Variants in CDX2 observed in about 807,000 individuals in gnomAD.
The protein encoded by CDX2 is homeobox protein CDX-2.
Under a neutral mutation model 25.5 loss-of-function variants are expected in CDX2, and 7 were observed. The observed-to-expected ratio is 0.27, with a 90% CI of 0.16 to 0.52. CDX2 has a LOEUF of 0.52. CDX2 is among the 20% of genes least tolerant of loss of function. The probability of loss-of-function intolerance (pLI) is 0.97; values close to 1 mark genes in which losing one functional copy is unlikely to be tolerated. For missense variants in CDX2, 375 were observed against 431.4 expected (o/e 0.87, Z 1.16); for synonymous variants, 222 against 198.6 (o/e 1.12, Z -0.99).
Position 27,968,624 on chromosome 13 carries a change from G to T in CDX2, c.383C>A (p.Ala128Asp), listed in dbSNP as rs930891731. The change falls in exon 1 of 3, where the codon GCC becomes GAC. Residue 128 changes from alanine (A) to aspartate (D), a missense_variant. Ala to Asp is a moderately radical substitution (Grantham distance 126). Coordinates refer to ENST00000381020, the MANE Select transcript of CDX2 (RefSeq NM_001265.6). ...HPHHHPHHPA[A>D]APSCASGLLQ... ...CAGCCCAGAAGCGCAGGAAGGCGCG[G>T]CGGCCGGGTGGTGCGGGTGGTGATG... 22 of 1,545,020 alleles carry T rather than the reference G, an allele frequency of 1.4e-5. No homozygotes were observed. Among genetic ancestry groups the T allele is most frequent in the Non-Finnish European group, 1.5e-5 (17 of 1,152,162 alleles).
At position 27,964,275 on chromosome 13, in the gene CDX2, T is replaced by C. The variant is rs922442757; in HGVS notation, c.687+595A>G. 6.6e-6 allele frequency among the ~76,000 whole-genome samples: 1 copy of C among 152,184 alleles called. No homozygotes were observed. The highest frequency in any genetic ancestry group is 1.5e-5 in the Non-Finnish European group (1 of 68,030). On this transcript the variant is annotated intron_variant, in intron 2 of 2. Transcript: ENST00000381020. The surrounding 1 kb of genome is among the most constrained non-coding windows in gnomAD (Gnocchi z 4.7). ...TTAGCCGGGCGTGGTGGCACATGCC[T>C]GTAGTCCCAGCTATTTGGGAGGCTG... is the stretch of plus-strand genomic sequence containing the variant.
At position 27,961,404 on chromosome 13, in the gene CDX2, C is replaced by A. The variant is rs1869039815; in HGVS notation, c.*1711G>T. ...CTAAGCCCCCCTCGCCCGGGTCCTG[C>A]CGGAAAGTTCAGCTCGGCGGCCTCC... On this transcript the variant is annotated 3_prime_UTR_variant, in exon 3 of 3. Transcript: ENST00000381020. 6.6e-6 allele frequency among the ~76,000 whole-genome samples: 1 copy of A among 152,222 alleles called. No individual in the cohort carries two copies. The highest frequency in any genetic ancestry group is 2.4e-5 in the African/African-American group (1 of 41,450).
chr13:27,968,425 C>G lies in CDX2; in HGVS notation c.541+41G>C, dbSNP rs534693569. The G allele has an allele frequency of 5.5e-6, 8 of 1,446,598 alleles. No individual in the cohort carries two copies. The African/African-American group carries it at 8.9e-5, about 16-fold the overall frequency. 89.6% of individuals were successfully genotyped at this position (1,446,598 alleles called of 1,614,324 possible). On this transcript the variant is annotated intron_variant, in intron 1 of 2. Transcript: ENST00000381020. ...GCAGCAGCCACTGGCTCGACCCGCG[C>G]CTTCCCAAGCACCCTCCGAAGGGGC...
Position 27,968,701 on chromosome 13 carries a change from G to T in CDX2, c.306C>A (p.Ala102=). The T allele has an allele frequency of 1.3e-6, 2 of 1,531,228 alleles. No homozygotes were observed. Among genetic ancestry groups the T allele is most frequent in the Non-Finnish European group, 1.7e-6 (2 of 1,143,746 alleles). The allele number at this position is 1,531,228 out of a possible 1,614,324, so 94.9% of individuals were successfully genotyped here. A position where few individuals can be genotyped will look rare whatever the true frequency, so the allele number is the denominator to read the frequency against. ...CGGGGCTGCTGTAGCCCATGGCTGC[G>T]GCCGGGGAGCCACCGTTGAGGCCGT... The part of the protein sequence containing the change: ...VAHGLNGGSP[A]AAMGYSSPAD... Residue 102 remains alanine (A), a synonymous_variant, in exon 1 of 3, where the codon GCC becomes GCA. Coordinates refer to ENST00000381020, the MANE Select transcript of CDX2 (RefSeq NM_001265.6).
intron 1 of CDX2, 59 bp downstream of exon 1, chr13:27,968,407 C>T (rs1444026386): frequency 7.1e-7 from 1 of 1,416,932 alleles, no homozygotes. Flanking sequence ...CGCGCAGCAG[C>T]CACTGGCTCG....
At chr13:27,963,621 A>G (rs534986835) in intron 2 of CDX2, among the ~76,000 whole-genome samples, 1 of 152,228 alleles carries the variant, frequency 6.6e-6, no homozygotes, top group East Asian at 1.9e-4. Context: ...TTATCTACGT[A>G]TTTACTGCAA....
intron 1 of CDX2, among the ~76,000 whole-genome samples, chr13:27,967,995 T>A (rs967634833): frequency 6.6e-6 from 1 of 152,132 alleles, no homozygotes; most frequent in Non-Finnish European, 1.5e-5. Context: ...CCAGGTCACT[T>A]CTCTTCTTAG....
At chr13:27,965,153 AGTCTG>A in intron 1 of CDX2, 138 bp from the exon 2 acceptor site, 1 of 870,860 alleles carries the variant, frequency 1.1e-6, no homozygotes, top group Non-Finnish European at 1.8e-6. Context: ...GTTCCTGCCA[AGTCTG>A]ACAAGACCCC....
In CDX2 at chr13:27,968,781, C is replaced by G; in HGVS notation, c.226G>C (p.Asp76His). The G allele has an allele frequency of 6.6e-7, 1 of 1,516,948 alleles. No homozygotes were observed. Among genetic ancestry groups the G allele is most frequent in the Non-Finnish European group, 8.8e-7 (1 of 1,136,894 alleles). 94.0% of individuals were successfully genotyped at this position (1,516,948 alleles called of 1,614,324 possible). ...CCTCCGGGCGCGTAGCCATTCCAGTCCTCCCGGAGTGGGGCGCCATACGCT... is the reference window on the plus strand; with the variant it reads ...CCTCCGGGCGCGTAGCCATTCCAGTGCTCCCGGAGTGGGGCGCCATACGCT... Reference protein sequence around the residue: ...PAAYGAPLREDWNGYAPGGAA... With the variant: ...PAAYGAPLREHWNGYAPGGAA... The change falls in exon 1 of 3, where the codon GAC (aspartate) becomes CAC (histidine). Residue 76 changes from aspartate (D) to histidine (H), a missense_variant. Physicochemically the swap from Asp to His is moderately conservative, Grantham distance 81. Transcript: ENST00000381020.
rs1869474583 is a variant in CDX2, at chr13:27,968,714, C to A, written c.293G>T (p.Gly98Val). 1 of 1,527,934 alleles carries A rather than the reference C, an allele frequency of 6.5e-7. No homozygotes were observed. The highest frequency in any genetic ancestry group is 1.4e-5 in the African/African-American group (1 of 71,680). 94.6% of individuals were successfully genotyped at this position (1,527,934 alleles called of 1,614,324 possible). A position where few individuals can be genotyped will look rare whatever the true frequency, so the allele number is the denominator to read the frequency against. ...AANAVAHGLNGGSPAAAMGYS... is the reference protein window; with the variant it reads ...AANAVAHGLNVGSPAAAMGYS... ...GCCCATGGCTGCGGCCGGGGAGCCA[C>A]CGTTGAGGCCGTGAGCCACGGCGTT... The change falls in exon 1 of 3, where the codon GGT becomes GTT. Residue 98 changes from glycine (G) to valine (V), a missense_variant. Around this residue, in one of 3 missense-constraint regions of CDX2, gnomAD observed 253 missense variants for 247.5 expected, o/e 1.02. Transcript: ENST00000381020.
intron 1 of CDX2, among the ~76,000 whole-genome samples, chr13:27,966,898 G>A (rs1869356562): frequency 7.5e-6 from 1 of 132,560 alleles, no homozygotes; most frequent in African/African-American, 2.9e-5. Flanking sequence ...ATGACGCTCC[G>A]CAGAGGAGCC....
rs1869230299 is a variant in CDX2 at position 27,964,769 on chromosome 13, G to GTC, written c.687+99_687+100dup. The GTC allele has an allele frequency of 1.1e-6, 1 of 948,954 alleles. No homozygotes were observed. The highest frequency in any genetic ancestry group is 1.4e-5 in the South Asian group (1 of 70,448). The allele number at this position is 948,954 out of a possible 1,614,324, so 58.8% of individuals were successfully genotyped here. On this transcript the variant is annotated intron_variant, in intron 2 of 2. Transcript: ENST00000381020. This position sits in a 1 kb window ranked among gnomAD's most constrained non-coding sequence, Gnocchi z 4.7. Reference sequence around the variant, plus strand: ...CGAATGCTTGCATCCTCCTGCTTCAGTCTCTCCACAGATTTAGATGGCCCC... The same window carrying GTC: ...CGAATGCTTGCATCCTCCTGCTTCAGTCTCTCTCCACAGATTTAGATGGCCCC...
At position 27,963,162 on chromosome 13, in the gene CDX2, C is replaced by T; in HGVS notation, c.895G>A (p.Val299Ile). The change falls in exon 3 of 3, where the codon GTT becomes ATT. Residue 299 changes from valine to isoleucine, a missense_variant. Val to Ile is a conservative substitution (Grantham distance 29). Coordinates refer to ENST00000381020, the MANE Select transcript of CDX2 (RefSeq NM_001265.6). ...AGCACCCCCCCAGTTGGCCCCAGAACCCCAGGGACAGAGCCAGGCACTGAG... is the reference window on the plus strand; with the variant it reads ...AGCACCCCCCCAGTTGGCCCCAGAATCCCAGGGACAGAGCCAGGCACTGAG... ...QASVPGSVPG[V>I]LGPTGGVLNP... is the part of the protein sequence containing the mutation. The T allele has an allele frequency of 6.2e-7, 1 of 1,614,132 alleles. No homozygotes were observed. Among genetic ancestry groups the T allele is most frequent in the East Asian group, 2.2e-5 (1 of 44,874 alleles).
Position 27,964,708 on chromosome 13 carries a change from TAA to T in CDX2, c.687+160_687+161del, listed in dbSNP as rs55820742. ...CACAAAGCAAGACCCCATCTCTGTTTAAAAAAAAAAAAAAAAAAAAAAAGGAC... is the reference window on the plus strand; with the variant it reads ...CACAAAGCAAGACCCCATCTCTGTTTAAAAAAAAAAAAAAAAAAAAAGGAC... On this transcript the variant is annotated intron_variant, in intron 2 of 2. Coordinates refer to ENST00000381020, the MANE Select transcript of CDX2 (RefSeq NM_001265.6). This position sits in a 1 kb window ranked among gnomAD's most constrained non-coding sequence, Gnocchi z 4.7. Among the ~76,000 whole-genome samples the T allele has an allele frequency of 0.01, 1,280 of 126,990 alleles. 22 individuals are homozygous for T. The highest frequency in any genetic ancestry group is 0.021 in the African/African-American group (737 of 35,404). 83.3% of individuals were successfully genotyped at this position (126,990 alleles called of 152,430 possible).
chr13:27,968,509 G>C lies in CDX2; in HGVS notation c.498C>G (p.Cys166Trp). The change falls in exon 1 of 3, where the codon TGC becomes TGG. Residue 166 changes from cysteine to tryptophan, a missense_variant. Transcript: ENST00000381020. Reference sequence around the variant, plus strand: ...GCTGCGCCGGCTTCCGCATCCACTCGCACAGGTTCCGCCGCTGGCCGCCGG... The same window carrying C: ...GCTGCGCCGGCTTCCGCATCCACTCCCACAGGTTCCGCCGCTGGCCGCCGG... Reference protein sequence around the residue: ...LSPGGQRRNLCEWMRKPAQQS... With the variant: ...LSPGGQRRNLWEWMRKPAQQS... 1 of 1,564,378 alleles carries C rather than the reference G, an allele frequency of 6.4e-7. No individual in the cohort carries two copies. The highest frequency in any genetic ancestry group is 8.6e-7 in the Non-Finnish European group (1 of 1,166,638).
chr13:27,967,340 C>A (rs1017281156), intron 1 of CDX2: 6 of 520,918 alleles, frequency 1.2e-5, no homozygotes, highest in Non-Finnish European at 1.9e-5. Context: ...ACGCAGAAAC[C>A]GATGCCCAGA....
In CDX2 at chr13:27,964,931, C is replaced by T. The variant is rs763139212; in HGVS notation, c.626G>A (p.Arg209His). 27 of 1,614,138 alleles carry T rather than the reference C, an allele frequency of 1.7e-5. 1 individual carries two copies. Among genetic ancestry groups the T allele is most frequent in the South Asian group, 2.2e-5 (2 of 91,074 alleles). ...GGCTTTCCTCCGGATGGTGATGTAG[C>T]GACTGTAGTGAAACTCCTTCTCCAG... ...LELEKEFHYS[R>H]YITIRRKAEL... The change falls in exon 2 of 3, where the codon CGC becomes CAC. Residue 209 changes from arginine (R) to histidine (H), a missense_variant. Coordinates refer to ENST00000381020, the MANE Select transcript of CDX2 (RefSeq NM_001265.6). This position sits in a 1 kb window ranked among gnomAD's most constrained non-coding sequence, Gnocchi z 4.7.
chr13:27,968,641 G>A lies in CDX2; in HGVS notation c.366C>T (p.His122=). 6.5e-7 allele frequency: 1 copy of A among 1,536,958 alleles called. No homozygotes were observed. The highest frequency in any genetic ancestry group is 8.7e-7 in the Non-Finnish European group (1 of 1,146,908). Residue 122 remains histidine, a synonymous_variant, in exon 1 of 3, where the codon CAC becomes CAT. Transcript: ENST00000381020. ...DYHPHHHPHH[H]PHHPAAAPSC... ...AAGGCGCGGCGGCCGGGTGGTGCGG[G>A]TGGTGATGCGGGTGGTGGTGCGGAT...
At position 27,969,268 on chromosome 13, in the gene CDX2, C is replaced by CGCCACAGGCTGGCGTGCGGA. The variant is rs1869517052; in HGVS notation, c.-282_-263dup. The CGCCACAGGCTGGCGTGCGGA allele has an allele frequency of 2.0e-6, 1 of 504,166 alleles. No individual in the cohort carries two copies. The highest frequency in any genetic ancestry group is 3.9e-5 in the Admixed American group (1 of 25,832). The allele number at this position is 504,166 out of a possible 1,614,324, so 31.2% of individuals were successfully genotyped here. A position where few individuals can be genotyped will look rare whatever the true frequency, so the allele number is the denominator to read the frequency against. On this transcript the variant is annotated 5_prime_UTR_variant, in exon 1 of 3. Coordinates refer to ENST00000381020, the MANE Select transcript of CDX2 (RefSeq NM_001265.6). ...CTAGGCTGCAGAGGCGGGGAAGACC[C>CGCCACAGGCTGGCGTGCGGA]GCCACAGGCTGGCGTGCGGAGCCCC...
Sources: allele counts gnomAD v4.1 joint callset (sites outside exome capture counted in the v4.1 genomes callset), GRCh38; gene constraint gnomAD v4.1.1; regional missense constraint gnomAD v4.1.1; non-coding constraint Gnocchi (gnomAD v3.1); transcripts MANE v1.5; gene names NCBI Gene and HGNC (gene_info 2026-07-23, HGNC 2026-07-21).